Variants in PHKB observed in about 807,000 individuals in gnomAD.
PHKB encodes phosphorylase b kinase regulatory subunit beta.
Under a neutral mutation model 152.1 loss-of-function variants are expected in PHKB, and 122 were observed. The observed-to-expected ratio is 0.80, with a 90% CI of 0.69 to 0.93. The LOEUF (loss-of-function observed/expected upper bound fraction) is 0.93. Ranked by LOEUF, PHKB falls within the 40% of genes least tolerant of loss-of-function variation. The probability of loss-of-function intolerance (pLI) is 0.00; values close to 1 mark genes in which losing one functional copy is unlikely to be tolerated. For missense variants in PHKB, 1,304 were observed against 1,328.4 expected (o/e 0.98, Z 0.29); for synonymous variants, 436 against 464.9 (o/e 0.94, Z 0.80).
intron 7 of PHKB, among the ~76,000 whole-genome samples, chr16:47,559,510 T>G (rs1971440363): frequency 6.6e-6 from 1 of 152,200 alleles, no homozygotes; most frequent in Admixed American, 6.5e-5. Context: ...GTCTCTAATG[T>G]GTTTGTCATC....
At chr16:47,625,630 C>T (rs1972696052) in intron 14 of PHKB, among the ~76,000 whole-genome samples, 1 of 152,182 alleles carries the variant, frequency 6.6e-6, no homozygotes, top group Admixed American at 6.5e-5. Flanking sequence ...ATGACACCCT[C>T]TAAGAGTTAC....
At chr16:47,532,344 G>C (rs1203396564) in intron 6 of PHKB, among the ~76,000 whole-genome samples, 4 of 152,192 alleles carry the variant, frequency 2.6e-5, no homozygotes, top group Non-Finnish European at 4.4e-5. Flanking sequence ...TGATACCCTA[G>C]TGTTATGGTG....
At position 47,637,537 on chromosome 16, in the gene PHKB, C is replaced by T. The variant is rs145105466; in HGVS notation, c.1459-3498C>T. ...TGGCAAAGCAACACCCCAAGGATCCCATGACACTTAGAGATAATAGCTTAA... is the reference window on the plus strand; with the variant it reads ...TGGCAAAGCAACACCCCAAGGATCCTATGACACTTAGAGATAATAGCTTAA... On this transcript the variant is annotated intron_variant, in intron 14 of 30. Transcript: ENST00000323584. 9.1e-3 allele frequency among the ~76,000 whole-genome samples: 1,388 copies of T among 152,180 alleles called. 9 individuals are homozygous for T. The highest frequency in any genetic ancestry group is 0.016 in the Non-Finnish European group (1,072 of 68,018).
At chr16:47,554,435 G>T (rs1443079565) in intron 7 of PHKB, among the ~76,000 whole-genome samples, 1 of 152,184 alleles carries the variant, frequency 6.6e-6, no homozygotes, top group African/African-American at 2.4e-5. Flanking sequence ...CAAGCCAGTG[G>T]ATCTTAGCTT....
intron 26 of PHKB, among the ~76,000 whole-genome samples, chr16:47,681,379 C>G (rs990272411): frequency 1.5e-4 from 22 of 148,512 alleles, no homozygotes; most frequent in African/African-American, 5.4e-4. Context: ...GTGTTAAAGT[C>G]TCCCATTTTT....
At chr16:47,589,689 T>C (rs1971994901) in intron 10 of PHKB, among the ~76,000 whole-genome samples, 1 of 152,256 alleles carries the variant, frequency 6.6e-6, no homozygotes, top group Non-Finnish European at 1.5e-5. Flanking sequence ...TAGCTGCTTT[T>C]AAGCCATCTA....
chr16:47,461,349 C>A lies in PHKB; in HGVS notation c.-2C>A. 6.2e-7 allele frequency: 1 copy of A among 1,609,052 alleles called. No individual in the cohort carries two copies. The highest frequency in any genetic ancestry group is 8.5e-7 in the Non-Finnish European group (1 of 1,178,306). On this transcript the variant is annotated 5_prime_UTR_variant, in exon 1 of 31. Coordinates refer to ENST00000323584, the MANE Select transcript of PHKB (RefSeq NM_000293.3). Reference sequence around the variant, plus strand: ...GGTGGCCAAGGCGGCGACCGGAGCGCGATGGCGGGGGCGGCGGGACTCACG... The same window carrying A: ...GGTGGCCAAGGCGGCGACCGGAGCGAGATGGCGGGGGCGGCGGGACTCACG...
At position 47,696,416 on chromosome 16, in the gene PHKB, G is replaced by T; in HGVS notation, c.2931G>T (p.Met977Ile). The change falls in exon 29 of 31, where the codon ATG becomes ATT. Residue 977 changes from methionine (M) to isoleucine (I), a missense_variant. Physicochemically the swap from Met to Ile is conservative, Grantham distance 10. Coordinates refer to ENST00000323584, the MANE Select transcript of PHKB (RefSeq NM_000293.3). Reference protein sequence around the residue: ...PTLSDMTMYEMNFSLLVEDTL... With the variant: ...PTLSDMTMYEINFSLLVEDTL... ...TGTCAGATATGACCATGTATGAGAT[G>T]AATTTCTCTCTCCTTGTTGAAGACA... 2 of 1,611,118 alleles carry T rather than the reference G, an allele frequency of 1.2e-6. No individual in the cohort carries two copies. The highest frequency in any genetic ancestry group is 1.7e-6 in the Non-Finnish European group (2 of 1,177,256).
chr16:47,593,241 G>A (rs1169332806), intron 10 of PHKB, among the ~76,000 whole-genome samples: 1 of 144,288 alleles, frequency 6.9e-6, no homozygotes, highest in Admixed American at 6.9e-5. Context: ...GGGAGGGAGG[G>A]AGGGAGGAAG....
rs56026849 is a variant in PHKB, at chr16:47,504,040, A to G, written c.405+950A>G. ...CATATGGGTCCCTAAGACCATCCACAGGTTTGATGCTTCATTAGGAGGACT... is the reference window on the plus strand; with the variant it reads ...CATATGGGTCCCTAAGACCATCCACGGGTTTGATGCTTCATTAGGAGGACT... On this transcript the variant is annotated intron_variant, in intron 4 of 30. Coordinates refer to ENST00000323584, the MANE Select transcript of PHKB (RefSeq NM_000293.3). Among the ~76,000 whole-genome samples the G allele has an allele frequency of 6.9e-3, 1,049 of 152,300 alleles. 12 individuals are homozygous for G. Among genetic ancestry groups the G allele is most frequent in the African/African-American group, 0.024 (978 of 41,546 alleles).
intron 1 of PHKB, among the ~76,000 whole-genome samples, chr16:47,470,163 A>G (rs935910240): frequency 6.6e-6 from 1 of 152,220 alleles, no homozygotes; most frequent in Admixed American, 6.5e-5. Context: ...GTGGGAAATC[A>G]GGGGTCTCAC....
intron 14 of PHKB, among the ~76,000 whole-genome samples, chr16:47,615,777 T>G (rs754814583): frequency 6.6e-6 from 1 of 152,228 alleles, no homozygotes; most frequent in Non-Finnish European, 1.5e-5. Context: ...ATAATGTATG[T>G]TCGTAAGTCT....
intron 26 of PHKB, among the ~76,000 whole-genome samples, chr16:47,678,982 T>C (rs1170503911): frequency 6.6e-6 from 1 of 152,258 alleles, no homozygotes; most frequent in Non-Finnish European, 1.5e-5. Flanking sequence ...TTCAGCTTTC[T>C]ACATATGGCT....
chr16:47,571,147 C>A (rs1032849494), intron 7 of PHKB, among the ~76,000 whole-genome samples: 12 of 152,090 alleles, frequency 7.9e-5, no homozygotes, highest in Non-Finnish European at 1.6e-4. Flanking sequence ...TTCACTGTCT[C>A]CTGTGGGGCC....
intron 14 of PHKB, among the ~76,000 whole-genome samples, chr16:47,618,668 T>C (rs2151713695): frequency 6.6e-6 from 1 of 152,342 alleles, no homozygotes; most frequent in South Asian, 2.1e-4. Flanking sequence ...TATAAACAGG[T>C]GTTTATTCTT....
chr16:47,661,731 C>A lies in PHKB; in HGVS notation c.2209C>A (p.Leu737Met). 1 of 1,611,918 alleles carries A rather than the reference C, an allele frequency of 6.2e-7. No individual in the cohort carries two copies. The highest frequency in any genetic ancestry group is 1.1e-5 in the South Asian group (1 of 91,036). Residue 737 changes from leucine (L) to methionine (M), a missense_variant, in exon 23 of 31, where the codon CTG becomes ATG. Transcript: ENST00000323584. ...TTTATATTTTCAGGATTGCAGTTGT[C>A]TGGCTAGCCAAGCCATCCTGCTGGG... ...ILQKLNDCSC[L>M]ASQAILLGIL... is the part of the protein sequence containing the mutation.
chr16:47,596,414 T>A lies in PHKB; in HGVS notation c.1246T>A (p.Phe416Ile). The A allele has an allele frequency of 1.2e-6, 2 of 1,611,702 alleles. No homozygotes were observed. The highest frequency in any genetic ancestry group is 1.7e-6 in the Non-Finnish European group (2 of 1,177,820). Residue 416 changes from phenylalanine (F) to isoleucine (I), a missense_variant, in exon 13 of 31, where the codon TTT (phenylalanine) becomes ATT (isoleucine). Phe to Ile is a conservative substitution (Grantham distance 21, BLOSUM62 0). Coordinates refer to ENST00000323584, the MANE Select transcript of PHKB (RefSeq NM_000293.3). Reference protein sequence around the residue: ...VPKYYYVPADFVEYEKNNPGS... With the variant: ...VPKYYYVPADIVEYEKNNPGS... ...AAAGTACTATTATGTGCCAGCTGAC[T>A]TTGTAGAATATGAAAAAAATAACCC...
chr16:47,493,197 C>T (rs1435371231), intron 1 of PHKB, among the ~76,000 whole-genome samples: 1 of 152,100 alleles, frequency 6.6e-6, no homozygotes, highest in Non-Finnish European at 1.5e-5. Context: ...TGTCTCATTC[C>T]TGAAATGAGG....
intron 13 of PHKB, 43 bp downstream of exon 13, chr16:47,596,574 T>G: frequency 6.3e-7 from 1 of 1,575,306 alleles, no homozygotes. Context: ...TCCTTGTTAT[T>G]AAGCTATTAG....
Sources: gnomAD v4.1 joint callset for allele counts (sites outside exome capture counted in the v4.1 genomes callset) on GRCh38, gnomAD v4.1.1 for gene constraint, MANE v1.5 for transcripts, NCBI Gene and HGNC (gene_info 2026-07-23, HGNC 2026-07-21) for gene names.